Variants in FOXN3 observed in about 807,000 individuals in gnomAD.
FOXN3 encodes the protein forkhead box protein N3.
Under a neutral mutation model 38.4 loss-of-function variants are expected in FOXN3, and 7 were observed. The observed-to-expected ratio is 0.18, with a 90% confidence interval of 0.10 to 0.34. FOXN3 has a LOEUF of 0.34. Ranked by LOEUF, FOXN3 falls within the 10% of genes least tolerant of loss-of-function variation. FOXN3 has a pLI of 1.00. For missense variants in FOXN3, 456 were observed against 613.4 expected, an observed-to-expected ratio of 0.74 and a Z score of 2.71; for synonymous variants, 230 against 242.2, an observed-to-expected ratio of 0.95 and a Z score of 0.47.
At chr14:89,579,870 G>A (rs1217513047) in intron 1 of FOXN3, among the ~76,000 whole-genome samples, 1 of 151,858 alleles carries the variant, frequency 6.6e-6, no homozygotes, top group Non-Finnish European at 1.5e-5. Flanking sequence ...TTGAATCATA[G>A]AAGGAACCCC....
At chr14:89,505,403 T>A (rs1156507451) in intron 1 of FOXN3, among the ~76,000 whole-genome samples, 1 of 151,982 alleles carries the variant, frequency 6.6e-6, no homozygotes, top group East Asian at 1.9e-4. Context: ...GCCTGCCGAG[T>A]GCCTGCGATT....
chr14:89,421,502 G>A (rs1454440261), upstream of FOXN3, among the ~76,000 whole-genome samples: 1 of 146,636 alleles, frequency 6.8e-6, no homozygotes, highest in Non-Finnish European at 1.5e-5. Context: ...GTGGGCAATT[G>A]GTTTATGGTG....
chr14:89,311,266 T>C (rs1887537139), intron 3 of FOXN3, among the ~76,000 whole-genome samples: 1 of 137,142 alleles, frequency 7.3e-6, no homozygotes, highest in Non-Finnish European at 1.6e-5. Flanking sequence ...AGGTCAGGAG[T>C]TCGAGACCAG....
At chr14:89,562,039 TG>T (rs1213070464) in intron 1 of FOXN3, among the ~76,000 whole-genome samples, 1 of 151,782 alleles carries the variant, frequency 6.6e-6, no homozygotes, top group East Asian at 1.9e-4. Context: ...AAAATAGGGA[TG>T]GGTAGACTTG....
intron 3 of FOXN3, among the ~76,000 whole-genome samples, chr14:89,298,122 A>G (rs1257846967): frequency 6.6e-6 from 1 of 152,220 alleles, no homozygotes; most frequent in Non-Finnish European, 1.5e-5. Flanking sequence ...AAGGAAGGAA[A>G]CCCTCACATA....
intron 1 of FOXN3, among the ~76,000 whole-genome samples, chr14:89,590,654 C>T (rs915121324): frequency 1.4e-4 from 21 of 152,174 alleles, no homozygotes; most frequent in African/African-American, 5.1e-4. Flanking sequence ...TCCTGTCTCT[C>T]ACCCCCTCAT....
chr14:89,376,349 G>A (rs1890477006), intron 2 of FOXN3, among the ~76,000 whole-genome samples: 2 of 152,168 alleles, frequency 1.3e-5, no homozygotes, highest in Admixed American at 1.3e-4. Context: ...AAAAACCCAT[G>A]AGTCCATAGT....
chr14:89,227,628 T>C (rs1021497050), intron 4 of FOXN3, among the ~76,000 whole-genome samples: 4 of 152,116 alleles, frequency 2.6e-5, no homozygotes, highest in African/African-American at 9.7e-5. Flanking sequence ...CAGTGAGTCA[T>C]CTCTCTCCCC....
At chr14:89,575,942 T>G (rs1895604045) in intron 1 of FOXN3, among the ~76,000 whole-genome samples, 1 of 152,122 alleles carries the variant, frequency 6.6e-6, no homozygotes, top group African/African-American at 2.4e-5. Flanking sequence ...ACCGATAAAC[T>G]CCTCGCTCTG....
chr14:89,350,812 C>A lies in FOXN3; in HGVS notation c.544-4G>T. ...ACAACGACCCTTTCCCAATACTCTG[C>A]AAAGAAAATTAAAATACAAAGGCAT... is the stretch of plus-strand genomic sequence containing the variant. On this transcript the variant is annotated splice_region_variant and splice_polypyrimidine_tract_variant and intron_variant, in intron 2 of 5. Coordinates refer to ENST00000557258, the MANE Select transcript of FOXN3 (RefSeq NM_005197.4). 2 of 1,533,304 alleles carry A rather than the reference C, an allele frequency of 1.3e-6. No individual in the cohort carries two copies. Among genetic ancestry groups the A allele is most frequent in the Non-Finnish European group, 8.7e-7 (1 of 1,146,232 alleles). 95.0% of individuals were successfully genotyped at this position (1,533,304 alleles called of 1,614,324 possible).
intron 4 of FOXN3, among the ~76,000 whole-genome samples, chr14:89,188,118 G>A (rs1406581975): frequency 2.6e-5 from 4 of 152,032 alleles, no homozygotes; most frequent in South Asian, 2.1e-4. Flanking sequence ...CTCACACAGC[G>A]GTAATAGCCT....
chr14:89,202,385 T>C (rs1888258245), intron 4 of FOXN3, among the ~76,000 whole-genome samples: 1 of 152,240 alleles, frequency 6.6e-6, no homozygotes, highest in Non-Finnish European at 1.5e-5. Flanking sequence ...GGTCCCACTA[T>C]GCCATAAACC....
intron 1 of FOXN3, among the ~76,000 whole-genome samples, chr14:89,429,060 A>G (rs1354171914): frequency 1.3e-5 from 2 of 152,188 alleles, no homozygotes; most frequent in Non-Finnish European, 2.9e-5. Flanking sequence ...GGCAGCTGCA[A>G]CAGTTCGCTT....
chr14:89,373,007 A>C lies in FOXN3; in HGVS notation c.544-22199T>G, dbSNP rs141353252. Reference sequence around the variant, plus strand: ...ATAGGAAAATCCCATCTCTACCAAAAATTTAAAAACTAGCTGGGTGTCGTG... The same window carrying C: ...ATAGGAAAATCCCATCTCTACCAAACATTTAAAAACTAGCTGGGTGTCGTG... On this transcript the variant is annotated intron_variant, in intron 2 of 5. Coordinates refer to ENST00000557258, the MANE Select transcript of FOXN3 (RefSeq NM_005197.4). Among the ~76,000 whole-genome samples the C allele has an allele frequency of 4.9e-3, 745 of 152,080 alleles. 7 individuals carry two copies. Among genetic ancestry groups the C allele is most frequent in the African/African-American group, 0.017 (706 of 41,476 alleles).
At chr14:89,300,472 G>A (rs1887185347) in intron 3 of FOXN3, among the ~76,000 whole-genome samples, 1 of 152,210 alleles carries the variant, frequency 6.6e-6, no homozygotes, top group African/African-American at 2.4e-5. Context: ...GTGAGCCACT[G>A]TGCCCAGCCA....
At chr14:89,251,683 T>C (rs1885460976) in intron 4 of FOXN3, among the ~76,000 whole-genome samples, 1 of 152,232 alleles carries the variant, frequency 6.6e-6, no homozygotes, top group Admixed American at 6.5e-5. Flanking sequence ...AAGATCCCAC[T>C]CAACTGCCAT....
At chr14:89,175,803 T>C (rs1280153909) in intron 5 of FOXN3, among the ~76,000 whole-genome samples, 1 of 152,142 alleles carries the variant, frequency 6.6e-6, no homozygotes, top group Non-Finnish European at 1.5e-5. Context: ...TGATGAGGCA[T>C]GTAGGGATCA....
At chr14:89,259,960 C>T (rs962402848) in intron 4 of FOXN3, among the ~76,000 whole-genome samples, 64 of 152,314 alleles carry the variant, frequency 4.2e-4, no homozygotes, top group African/African-American at 1.5e-3. Context: ...CCAGCATATC[C>T]ACAGACAGAA....
intron 1 of FOXN3, among the ~76,000 whole-genome samples, chr14:89,485,803 C>T (rs372829008): frequency 2.0e-5 from 3 of 152,102 alleles, no homozygotes; most frequent in Admixed American, 2.0e-4. Context: ...ACCTTCTGAT[C>T]GAGGCAGTCA....
Sources: allele counts gnomAD v4.1 joint callset (sites outside exome capture counted in the v4.1 genomes callset), GRCh38; gene constraint gnomAD v4.1.1; transcripts MANE v1.5; gene names NCBI Gene and HGNC (gene_info 2026-07-23, HGNC 2026-07-21).